ABCC2: variants seen among roughly 807,000 people sequenced by gnomAD.
The protein encoded by ABCC2 is ATP binding cassette subfamily C member 2.
ABCC2 carries 157 observed loss-of-function variants against 173.4 expected under a neutral mutation model. That is an observed-to-expected ratio of 0.91 (90% CI 0.80 to 1.03). The LOEUF is 1.03. Ranked by LOEUF, ABCC2 falls within the 50% of genes least tolerant of loss-of-function variation. The pLI, the probability that ABCC2 is intolerant of heterozygous loss-of-function variation, is 0.00. For synonymous variants in ABCC2, 657 were observed against 693.5 expected, an observed-to-expected ratio of 0.95 and a Z score of 0.83; for missense variants, 1,822 against 1,852.3, an observed-to-expected ratio of 0.98 and a Z score of 0.30.
rs2039095604 is a variant in ABCC2, at chr10:99,852,171, A to G, written c.*540A>G. Reference sequence around the variant, plus strand: ...TAGCATTATTCTCAGGTTTTTAAAAATTATAAGCAGTACTACTATGGACAT... The same window carrying G: ...TAGCATTATTCTCAGGTTTTTAAAAGTTATAAGCAGTACTACTATGGACAT... On this transcript the variant is annotated 3_prime_UTR_variant, in exon 32 of 32. Coordinates refer to ENST00000647814, the MANE Select transcript of ABCC2 (RefSeq NM_000392.5). 2 of 158,008 alleles carry G rather than the reference A, an allele frequency of 1.3e-5. No homozygotes were observed. Among genetic ancestry groups the G allele is most frequent in the South Asian group, 1.8e-4 (1 of 5,470 alleles). 9.8% of individuals were successfully genotyped at this position (158,008 alleles called of 1,614,324 possible).
At chr10:99,798,409 C>T (rs2037958322) in intron 7 of ABCC2, among the ~76,000 whole-genome samples, 2 of 152,016 alleles carry the variant, frequency 1.3e-5, no homozygotes, top group Admixed American at 6.5e-5. Context: ...TCGTAATGCC[C>T]CATGTATTAG....
intron 28 of ABCC2, 110 bp from the exon 29 acceptor site, chr10:99,845,514 G>GAGT: frequency 7.4e-7 from 1 of 1,358,484 alleles, no homozygotes; most frequent in East Asian, 2.3e-5. Flanking sequence ...CTTAGAGATG[G>GAGT]AGTAGCCAGT....
At chr10:99,835,778 C>T (rs1191825126) in intron 24 of ABCC2, among the ~76,000 whole-genome samples, 4 of 152,098 alleles carry the variant, frequency 2.6e-5, no homozygotes, top group Non-Finnish European at 2.9e-5. Context: ...GGATGATAGC[C>T]GTAGATCTGG....
chr10:99,790,143 A>ACACAG, intron 2 of ABCC2, among the ~76,000 whole-genome samples: 1 of 152,366 alleles, frequency 6.6e-6, no homozygotes, highest in Non-Finnish European at 1.5e-5. Flanking sequence ...AGTTAAGGAT[A>ACACAG]TGTGAACTCA....
At chr10:99,825,287 G>T (rs1053547411) in intron 19 of ABCC2, among the ~76,000 whole-genome samples, 5 of 152,238 alleles carry the variant, frequency 3.3e-5, no homozygotes, top group African/African-American at 9.6e-5. Flanking sequence ...TAAAATCTCA[G>T]TACTTTGATA....
chr10:99,839,201 C>T (rs1375060447), intron 25 of ABCC2, among the ~76,000 whole-genome samples: 3 of 118,262 alleles, frequency 2.5e-5, no homozygotes, highest in Non-Finnish European at 5.6e-5. Flanking sequence ...ACCCCCCCAC[C>T]TCCCTCCCGG....
chr10:99,847,080 G>T lies in ABCC2; in HGVS notation c.4266G>T (p.Leu1422=). The change falls in exon 30 of 32, where the codon CTG becomes CTT. Residue 1422 remains leucine (L), a synonymous_variant. Transcript: ENST00000647814. ...LAHLKSFVAS[L]QLGLSHEVTE... ...ACCTCAAGTCTTTTGTGGCCAGCCT[G>T]CAACTTGGGTTATCCCACGAAGTGA... 6.2e-7 allele frequency: 1 copy of T among 1,614,190 alleles called. No individual in the cohort carries two copies. Among genetic ancestry groups the T allele is most frequent in the Non-Finnish European group, 8.5e-7 (1 of 1,180,038 alleles).
chr10:99,831,369 T>G (rs2038734811), intron 21 of ABCC2, among the ~76,000 whole-genome samples: 1 of 152,232 alleles, frequency 6.6e-6, no homozygotes, highest in South Asian at 2.1e-4. Flanking sequence ...CAATCTGTTT[T>G]TATATCTTCT....
At chr10:99,798,740 T>A (rs1384155551) in intron 7 of ABCC2, among the ~76,000 whole-genome samples, 1 of 152,178 alleles carries the variant, frequency 6.6e-6, no homozygotes, top group Non-Finnish European at 1.5e-5. Flanking sequence ...TTTGGTTACA[T>A]CTGCAAAGAC....
In ABCC2 at chr10:99,814,379, A is replaced by ACGTATGTATACACACATG. The variant is rs2038317960; in HGVS notation, c.2094+1235_2094+1236insCGTATGTATACACACATG. 2.2e-4 allele frequency among the ~76,000 whole-genome samples: 5 copies of ACGTATGTATACACACATG among 22,462 alleles called. 1 individual carries two copies. The highest frequency in any genetic ancestry group is 5.1e-4 in the Non-Finnish European group (5 of 9,774). 14.7% of individuals were successfully genotyped at this position (22,462 alleles called of 152,430 possible). Reference sequence around the variant, plus strand: ...TGTATACACACATGTATATATACACATATATACATATATGGGTATATATAC... The same window carrying ACGTATGTATACACACATG: ...TGTATACACACATGTATATATACACACGTATGTATACACACATGTATATACATATATGGGTATATATAC... On this transcript the variant is annotated intron_variant, in intron 16 of 31. Transcript: ENST00000647814.
At chr10:99,783,188 GT>G (rs2037644778) in intron 1 of ABCC2, among the ~76,000 whole-genome samples, 1 of 152,196 alleles carries the variant, frequency 6.6e-6, no homozygotes, top group African/African-American at 2.4e-5. Context: ...AAGGAGAATT[GT>G]TGTTGCATAC....
In ABCC2 at chr10:99,808,174, A is replaced by G. The variant is rs773416711; in HGVS notation, c.1760A>G (p.Asn587Ser). 5 of 1,614,080 alleles carry G rather than the reference A, an allele frequency of 3.1e-6. No individual in the cohort carries two copies. Among genetic ancestry groups the G allele is most frequent in the African/African-American group, 1.3e-5 (1 of 75,010 alleles). ...GCCTTCACCTCCATTACCCTCTTCA[A>G]TATCCTGCGCTTTCCCCTGAGCATG... ...QKAFTSITLF[N>S]ILRFPLSMLP... Residue 587 changes from asparagine to serine, a missense_variant, in exon 13 of 32, where the codon AAT becomes AGT. By Grantham distance (46) the Asn-to-Ser change is conservative. Transcript: ENST00000647814.
intron 19 of ABCC2, among the ~76,000 whole-genome samples, chr10:99,829,600 TAA>T (rs1287879232): frequency 1.3e-5 from 2 of 152,226 alleles, no homozygotes; most frequent in South Asian, 2.1e-4. Context: ...TAAATTAATA[TAA>T]GTTTGTTAAA....
intron 26 of ABCC2, 71 bp downstream of exon 26, chr10:99,842,164 G>A (rs1340158769): frequency 8.7e-6 from 14 of 1,602,150 alleles, no homozygotes; most frequent in South Asian, 2.2e-5. Flanking sequence ...TGTATACTGT[G>A]GAGTCTGTGC....
chr10:99,794,955 G>A (rs2037873339), intron 6 of ABCC2, among the ~76,000 whole-genome samples: 1 of 152,186 alleles, frequency 6.6e-6, no homozygotes, highest in South Asian at 2.1e-4. Flanking sequence ...TGGGCAGATT[G>A]GGATGCTGAG....
intron 19 of ABCC2, among the ~76,000 whole-genome samples, chr10:99,823,290 G>A (rs1253539455): frequency 1.3e-5 from 2 of 152,054 alleles, no homozygotes; most frequent in Non-Finnish European, 2.9e-5. Context: ...TTTTATGAAT[G>A]CAGATGATAC....
intron 30 of ABCC2, 79 bp from the exon 31 acceptor site, chr10:99,850,507 TGAAAGTCTGATCTGGA>T: frequency 7.7e-7 from 1 of 1,290,472 alleles, no homozygotes; most frequent in Non-Finnish European, 1.1e-6. Flanking sequence ...GGGGGGGTTT[TGAAAGTCTGATCTGGA>T]ACATGAAAAT....
chr10:99,797,183 G>A lies in ABCC2; in HGVS notation c.719G>A (p.Ser240Asn). ...GAGATGAAAACCAAGACATTAGTGAGCAAGTTTGAAACGCACATGAAGAGA... is the reference window on the plus strand; with the variant it reads ...GAGATGAAAACCAAGACATTAGTGAACAAGTTTGAAACGCACATGAAGAGA... ...DEEMKTKTLV[S>N]KFETHMKREL... Residue 240 changes from serine to asparagine, a missense_variant, in exon 7 of 32, where the codon AGC becomes AAC. Ser to Asn is a conservative substitution (Grantham distance 46). Coordinates refer to ENST00000647814, the MANE Select transcript of ABCC2 (RefSeq NM_000392.5). The A allele has an allele frequency of 6.2e-7, 1 of 1,614,144 alleles. No individual in the cohort carries two copies. The highest frequency in any genetic ancestry group is 1.1e-5 in the South Asian group (1 of 91,080).
intron 1 of ABCC2, among the ~76,000 whole-genome samples, 171 bp downstream of exon 1, chr10:99,783,048 T>G (rs1035873948): frequency 1.3e-5 from 2 of 152,216 alleles, no homozygotes; most frequent in Admixed American, 6.5e-5. Flanking sequence ...GGATATAAGA[T>G]CTGGGAAATG....
Sources: gnomAD v4.1 joint callset for allele counts (sites outside exome capture counted in the v4.1 genomes callset) on GRCh38, gnomAD v4.1.1 for gene constraint, MANE v1.5 for transcripts, NCBI Gene and HGNC (gene_info 2026-07-23, HGNC 2026-07-21) for gene names.